The following CHD1 variants were observed in gnomAD, a reference collection of about 807,000 sequenced individuals.
CHD1 encodes the protein ATP-dependent chromatin remodeler CHD1.
CHD1 carries 36 observed loss-of-function variants against 224.2 expected under a neutral mutation model. That is an observed-to-expected ratio of 0.16 (90% CI 0.12 to 0.21). The LOEUF is 0.21. CHD1 is among the 10% of genes least tolerant of loss of function. The probability of loss-of-function intolerance (pLI) is 1.00; values close to 1 mark genes in which losing one functional copy is unlikely to be tolerated. For synonymous variants in CHD1, 668 were observed against 658.3 expected, an observed-to-expected ratio of 1.01 and a Z score of -0.23; for missense variants, 1,378 against 1,994.8, an observed-to-expected ratio of 0.69 and a Z score of 5.89.
At chr5:98,918,598 T>C (rs1210631473) in intron 2 of CHD1, among the ~76,000 whole-genome samples, 1 of 150,684 alleles carries the variant, frequency 6.6e-6, no homozygotes, top group African/African-American at 2.4e-5. Context: ...TGAAACCCCG[T>C]CTGTACGAAA....
chr5:98,862,288 G>C (rs1748538337), intron 32 of CHD1, among the ~76,000 whole-genome samples: 1 of 152,160 alleles, frequency 6.6e-6, no homozygotes, highest in South Asian at 2.1e-4. Flanking sequence ...GTGGCAGCAG[G>C]AATGAACAAT....
chr5:98,904,347 A>G (rs1751914524), intron 3 of CHD1, among the ~76,000 whole-genome samples: 1 of 152,188 alleles, frequency 6.6e-6, no homozygotes, highest in African/African-American at 2.4e-5. Context: ...TCTGGCCCTC[A>G]AGCATCTTAT....
At chr5:98,894,903 C>T (rs1335317305) in intron 12 of CHD1, among the ~76,000 whole-genome samples, 3 of 151,630 alleles carry the variant, frequency 2.0e-5, no homozygotes, top group Non-Finnish European at 4.4e-5. Flanking sequence ...CTCACCACAA[C>T]CTCCACCTCC....
rs575941891 is a variant in CHD1, at chr5:98,860,081, A to T, written c.4428-13T>A. ...AATCCACAGGTTTCTAGAAGAATTT[A>T]AAAAAAGGCAAATTAAGTTAGTCTG... is the stretch of plus-strand genomic sequence containing the variant. On this transcript the variant is annotated splice_polypyrimidine_tract_variant and intron_variant, in intron 32 of 35. Coordinates refer to ENST00000614616, the MANE Select transcript of CHD1 (RefSeq NM_001270.4). The T allele has an allele frequency of 1.7e-4, 231 of 1,381,490 alleles. No individual in the cohort carries two copies. The highest frequency in any genetic ancestry group is 2.7e-4 in the African/African-American group (19 of 69,172). 85.6% of individuals were successfully genotyped at this position (1,381,490 alleles called of 1,614,324 possible).
chr5:98,922,172 C>T (rs571085032), intron 2 of CHD1, among the ~76,000 whole-genome samples: 3 of 152,108 alleles, frequency 2.0e-5, no homozygotes, highest in Non-Finnish European at 2.9e-5. Flanking sequence ...ACAAACCACA[C>T]ACACACTAAA....
At chr5:98,911,146 A>AATATATATATATATAT (rs1158932549) in intron 2 of CHD1, among the ~76,000 whole-genome samples, 33 of 39,096 alleles carry the variant, frequency 8.4e-4, no homozygotes, top group South Asian at 2.1e-3. Context: ...AAAAAAAAAA[A>AATATATATATATATAT]ATATATATAT....
chr5:98,908,610 A>T (rs1371500710), intron 2 of CHD1, among the ~76,000 whole-genome samples: 1 of 152,130 alleles, frequency 6.6e-6, no homozygotes, highest in African/African-American at 2.4e-5. Flanking sequence ...TTGGCTATTA[A>T]ATCTCTGATC....
At chr5:98,879,341 C>T (rs913915159) in intron 23 of CHD1, among the ~76,000 whole-genome samples, 1 of 151,994 alleles carries the variant, frequency 6.6e-6, no homozygotes, top group Non-Finnish European at 1.5e-5. Context: ...CACACACACA[C>T]AAAAATCAAT....
At chr5:98,868,924 C>G in intron 30 of CHD1, 2 of 598,036 alleles carry the variant, frequency 3.3e-6, no homozygotes, top group Non-Finnish European at 4.3e-6. Flanking sequence ...GTTATTGAGA[C>G]TAATAAGGGC....
chr5:98,883,926 C>CCACCT (rs368143438), intron 18 of CHD1: 46,620 of 152,072 alleles, frequency 0.31, 8,956 homozygotes, highest in African/African-American at 0.54. Flanking sequence ...ACTGCAACCT[C>CCACCT]CACCTCCTAG....
intron 33 of CHD1, 143 bp downstream of exon 33, chr5:98,859,829 A>G: frequency 2.2e-6 from 1 of 447,448 alleles, no homozygotes; most frequent in Non-Finnish European, 4.1e-6. Context: ...CTCGCCTGCA[A>G]CAATCATTAC....
At chr5:98,895,876 A>G (rs1445421181) in intron 12 of CHD1, among the ~76,000 whole-genome samples, 2 of 152,210 alleles carry the variant, frequency 1.3e-5, no homozygotes, top group Non-Finnish European at 2.9e-5. Flanking sequence ...TACCAGAAAC[A>G]AAGACTGTTA....
intron 32 of CHD1, 107 bp from the exon 33 acceptor site, chr5:98,860,175 G>A (rs1207407770): frequency 2.9e-6 from 2 of 696,434 alleles, no homozygotes; most frequent in African/African-American, 1.8e-5. Context: ...CACATACACA[G>A]CCCTCTATGG....
chr5:98,901,023 G>A lies in CHD1; in HGVS notation c.647C>T (p.Ser216Phe). The A allele has an allele frequency of 6.2e-7, 1 of 1,612,498 alleles. No homozygotes were observed. Among genetic ancestry groups the A allele is most frequent in the Non-Finnish European group, 8.5e-7 (1 of 1,179,610 alleles). ...LGQKKRQIDSSEEDDDEEDYD... is the reference protein window; with the variant it reads ...LGQKKRQIDSFEEDDDEEDYD... ...ATCTTCTTCATCATCATCCTCCTCA[G>A]ATGAATCAATCTGTCTCTTTTTTTG... The change falls in exon 7 of 36, where the codon TCT becomes TTT. Residue 216 changes from serine to phenylalanine, a missense_variant. Ser to Phe is a radical substitution (Grantham distance 155, BLOSUM62 -2). Coordinates refer to ENST00000614616, the MANE Select transcript of CHD1 (RefSeq NM_001270.4).
In CHD1 at chr5:98,872,046, A is replaced by C. The variant is rs1285518924; in HGVS notation, c.3861+5T>G. 6.2e-7 allele frequency: 1 copy of C among 1,601,918 alleles called. No individual in the cohort carries two copies. The highest frequency in any genetic ancestry group is 1.7e-5 in the Admixed American group (1 of 58,124). On this transcript the variant is annotated splice_donor_5th_base_variant and intron_variant, in intron 28 of 35. Coordinates refer to ENST00000614616, the MANE Select transcript of CHD1 (RefSeq NM_001270.4). ...TGGTTAACAGAATCAGAAATAGATA[A>C]ATACCTTGTGTGTTAGACTGAGGTC...
At chr5:98,907,504 C>T (rs938547610) in intron 2 of CHD1, among the ~76,000 whole-genome samples, 1 of 147,654 alleles carries the variant, frequency 6.8e-6, no homozygotes, top group Non-Finnish European at 1.5e-5. Context: ...AGGAGAATCA[C>T]TTGAACCCTG....
intron 2 of CHD1, among the ~76,000 whole-genome samples, chr5:98,923,545 C>T (rs542185781): frequency 6.6e-6 from 1 of 151,760 alleles, no homozygotes; most frequent in Non-Finnish European, 1.5e-5. Flanking sequence ...CTCAGCCTCG[C>T]GAGCAGCTGG....
chr5:98,921,259 CG>C (rs1753076563), intron 2 of CHD1, among the ~76,000 whole-genome samples: 1 of 152,138 alleles, frequency 6.6e-6, no homozygotes, highest in African/African-American at 2.4e-5. Context: ...TCCGGAGAAA[CG>C]AAACTTACCT....
intron 21 of CHD1, 49 bp downstream of exon 21, chr5:98,881,230 T>C: frequency 7.2e-7 from 1 of 1,383,964 alleles, no homozygotes; most frequent in Non-Finnish European, 9.9e-7. Flanking sequence ...GTCAAATATA[T>C]GACACATATT....
Sources: allele counts gnomAD v4.1 joint callset (sites outside exome capture counted in the v4.1 genomes callset), GRCh38; gene constraint gnomAD v4.1.1; transcripts MANE v1.5; gene names NCBI Gene and HGNC (gene_info 2026-07-23, HGNC 2026-07-21).